The following WASF1 variants were observed in gnomAD, a reference collection of about 807,000 sequenced individuals.
The protein encoded by WASF1 is WASP family member 1.
A neutral mutation model predicts 50.5 loss-of-function variants in WASF1; 7 were observed. The ratio of observed to expected loss-of-function variants is 0.14; its 90% CI spans 0.08 to 0.26. WASF1 has a LOEUF of 0.26. Among genes scored for constraint, WASF1 ranks in the 10% least tolerant of loss-of-function variants. WASF1 has a pLI of 1.00. For missense variants in WASF1, 470 were observed against 694.7 expected, an observed-to-expected ratio of 0.68 and a Z score of 3.64; for synonymous variants, 205 against 244.0, an observed-to-expected ratio of 0.84 and a Z score of 1.49.
At chr6:110,165,800 G>A (rs892582301) in intron 2 of WASF1, among the ~76,000 whole-genome samples, 11 of 151,514 alleles carry the variant, frequency 7.3e-5, no homozygotes, top group African/African-American at 2.7e-4. Context: ...GCATATTTTG[G>A]TATCACCCCT....
intron 6 of WASF1, 118 bp from the exon 7 acceptor site, chr6:110,107,312 G>C: frequency 1.6e-6 from 1 of 640,514 alleles, no homozygotes; most frequent in Non-Finnish European, 2.5e-6. Flanking sequence ...TGTTAAAATA[G>C]TGCCAAAATA....
At chr6:110,174,295 C>G (rs560226214) in intron 2 of WASF1, among the ~76,000 whole-genome samples, 1 of 152,234 alleles carries the variant, frequency 6.6e-6, no homozygotes, top group South Asian at 2.1e-4. Context: ...TTTCTAAGTA[C>G]AAATGTATTT....
intron 4 of WASF1, among the ~76,000 whole-genome samples, chr6:110,122,113 A>G (rs1774162809): frequency 1.3e-5 from 2 of 152,110 alleles, no homozygotes; most frequent in African/African-American, 2.4e-5. Context: ...GCAGCAAACC[A>G]CCATGGCACA....
intron 9 of WASF1, 119 bp from the exon 10 acceptor site, chr6:110,102,335 CT>C: frequency 1.9e-6 from 2 of 1,051,334 alleles, no homozygotes. Context: ...CAATAACATG[CT>C]CCTATAGAAA....
chr6:110,120,815 C>T (rs1407490346), intron 4 of WASF1, among the ~76,000 whole-genome samples: 1 of 152,166 alleles, frequency 6.6e-6, no homozygotes, highest in Non-Finnish European at 1.5e-5. Flanking sequence ...ACCAAAACAG[C>T]ATGGTACTGG....
intron 2 of WASF1, among the ~76,000 whole-genome samples, chr6:110,162,875 T>C (rs963695938): frequency 6.6e-6 from 1 of 151,618 alleles, no homozygotes; most frequent in Non-Finnish European, 1.5e-5. Flanking sequence ...CCTCTTACAA[T>C]ATCACACCGA....
rs376349174 is a variant in WASF1 at position 110,148,099 on chromosome 6, T to C, written c.-29+12536A>G. Among the ~76,000 whole-genome samples, 22 of 152,326 alleles carry C rather than the reference T, an allele frequency of 1.4e-4. No homozygotes were observed. In the South Asian group the frequency reaches 1.9e-3, roughly 13 times the overall value. On this transcript the variant is annotated intron_variant, in intron 3 of 10. Coordinates refer to ENST00000392589, the MANE Select transcript of WASF1 (RefSeq NM_003931.3). ...GATGTTAAAATTGAAGTTTGAGGCA[T>C]CTAAACCACAAATGCAGAACTAAGC...
chr6:110,112,071 C>T lies in WASF1; in HGVS notation c.268+1255G>A, dbSNP rs182001840. On this transcript the variant is annotated intron_variant, in intron 5 of 10. Transcript: ENST00000392589. ...AAGTATTTGCCTCTCCTTATTTACA[C>T]ATTGGATTATTTCAAAAGTAGCTGG... is the stretch of plus-strand genomic sequence containing the variant. Among the ~76,000 whole-genome samples, 110 of 150,942 alleles carry T rather than the reference C, an allele frequency of 7.3e-4. 2 individuals carry two copies. The South Asian group carries it at 0.014, about 19-fold the overall frequency.
chr6:110,150,266 A>G (rs942234563), intron 3 of WASF1, among the ~76,000 whole-genome samples: 1 of 152,258 alleles, frequency 6.6e-6, no homozygotes, highest in Non-Finnish European at 1.5e-5. Flanking sequence ...AAGCAAAAAT[A>G]TGTAACAGAA....
intron 2 of WASF1, among the ~76,000 whole-genome samples, chr6:110,173,944 G>GC (rs1319554448): frequency 6.6e-6 from 1 of 152,102 alleles, no homozygotes; most frequent in East Asian, 1.9e-4. Flanking sequence ...GGTATCTCTG[G>GC]CCCCTTCCAA....
At chr6:110,122,696 TAG>T (rs1368961139) in intron 4 of WASF1, among the ~76,000 whole-genome samples, 1 of 152,202 alleles carries the variant, frequency 6.6e-6, no homozygotes, top group Non-Finnish European at 1.5e-5. Context: ...TTCTTTTCTC[TAG>T]CTTACCTTAT....
intron 3 of WASF1, among the ~76,000 whole-genome samples, chr6:110,150,226 CA>C (rs1481199332): frequency 1.3e-5 from 2 of 151,524 alleles, no homozygotes; most frequent in Non-Finnish European, 2.9e-5. Context: ...AAAATAGCTT[CA>C]CCACCCAGCA....
chr6:110,100,796 A>G (rs966050029), intron 10 of WASF1, 117 bp from the exon 11 acceptor site: 2 of 1,167,144 alleles, frequency 1.7e-6, no homozygotes, highest in African/African-American at 3.1e-5. Context: ...AAATAAAAAG[A>G]TCAGAAAAGA....
chr6:110,131,855 A>G (rs1774687973), intron 3 of WASF1, among the ~76,000 whole-genome samples: 3 of 152,168 alleles, frequency 2.0e-5, no homozygotes, highest in African/African-American at 4.8e-5. Flanking sequence ...TTGTTCTCCA[A>G]AAATATTGTT....
chr6:110,160,466 A>G (rs573284863), intron 3 of WASF1, among the ~76,000 whole-genome samples, 169 bp downstream of exon 3: 9 of 151,668 alleles, frequency 5.9e-5, no homozygotes, highest in Non-Finnish European at 1.0e-4. Context: ...AAAACCACCA[A>G]CGTTTTCTAA....
intron 6 of WASF1, 138 bp downstream of exon 6, chr6:110,108,390 G>A: frequency 1.3e-6 from 1 of 779,448 alleles, no homozygotes. Context: ...TAAAAGCAAA[G>A]GTTTTCCAAA....
chr6:110,151,759 C>T (rs548536265), intron 3 of WASF1, among the ~76,000 whole-genome samples: 1 of 152,158 alleles, frequency 6.6e-6, no homozygotes, highest in East Asian at 1.9e-4. Context: ...TTCTTAACAT[C>T]ATAGATGAAA....
chr6:110,164,432 C>A (rs1776387342), intron 2 of WASF1, among the ~76,000 whole-genome samples: 1 of 151,624 alleles, frequency 6.6e-6, no homozygotes, highest in East Asian at 1.9e-4. Context: ...ACACTGACTG[C>A]ATGATTGCAA....
chr6:110,148,569 G>A (rs1180528640), intron 3 of WASF1, among the ~76,000 whole-genome samples: 2 of 152,152 alleles, frequency 1.3e-5, no homozygotes, highest in African/African-American at 4.8e-5. Flanking sequence ...CATCATGGGT[G>A]AAGTGCAATC....
Sources: gnomAD v4.1 joint callset for allele counts (sites outside exome capture counted in the v4.1 genomes callset) on GRCh38, gnomAD v4.1.1 for gene constraint, MANE v1.5 for transcripts, NCBI Gene and HGNC (gene_info 2026-07-23, HGNC 2026-07-21) for gene names.